DENND1A: variants seen among roughly 807,000 people sequenced by gnomAD.
DENND1A encodes DENN domain-containing protein 1A.
DENND1A carries 51 observed loss-of-function variants against 113.7 expected under a neutral mutation model. The ratio of observed to expected loss-of-function variants is 0.45; its 90% CI spans 0.36 to 0.57. The LOEUF (loss-of-function observed/expected upper bound fraction) is 0.57, where lower values mean the gene tolerates loss of function less well. DENND1A is among the 20% of genes least tolerant of loss of function. The probability of loss-of-function intolerance (pLI) is 0.00; values close to 1 mark genes in which losing one functional copy is unlikely to be tolerated. For synonymous variants in DENND1A, 565 were observed against 570.8 expected (o/e 0.99, Z 0.14); for missense variants, 1,258 against 1,395.9 (o/e 0.90, Z 1.57).
At chr9:123,540,891 T>G (rs570125313) in intron 13 of DENND1A, among the ~76,000 whole-genome samples, 1 of 152,312 alleles carries the variant, frequency 6.6e-6, no homozygotes, top group East Asian at 1.9e-4. Context: ...GGAAGCAGCA[T>G]GGGACCAGTG....
chr9:123,610,704 C>G (rs2060379310), intron 10 of DENND1A, among the ~76,000 whole-genome samples: 1 of 152,146 alleles, frequency 6.6e-6, no homozygotes, highest in African/African-American at 2.4e-5. Context: ...TGAACAGGTA[C>G]TTTTCTTCTG....
chr9:123,628,770 TGG>T (rs1378419135), intron 10 of DENND1A, among the ~76,000 whole-genome samples: 1 of 152,068 alleles, frequency 6.6e-6, no homozygotes, highest in Non-Finnish European at 1.5e-5. Flanking sequence ...GAAAAAAATG[TGG>T]GGTTCAGCCA....
At chr9:123,522,923 C>T (rs2054511663) in intron 13 of DENND1A, among the ~76,000 whole-genome samples, 1 of 152,168 alleles carries the variant, frequency 6.6e-6, no homozygotes, top group African/African-American at 2.4e-5. Flanking sequence ...CTTGAACAAA[C>T]ACTTTAAGAG....
At chr9:123,524,554 C>T (rs895478417) in intron 13 of DENND1A, among the ~76,000 whole-genome samples, 2 of 152,196 alleles carry the variant, frequency 1.3e-5, no homozygotes, top group African/African-American at 2.4e-5. Flanking sequence ...AAAAAGGTTA[C>T]AAACACAGCA....
intron 13 of DENND1A, among the ~76,000 whole-genome samples, chr9:123,529,737 A>G (rs1241400642): frequency 6.6e-6 from 1 of 152,248 alleles, no homozygotes; most frequent in African/African-American, 2.4e-5. Flanking sequence ...CTGAAGTCAC[A>G]TTCATCTTCC....
chr9:123,409,616 C>T (rs1022274932), intron 20 of DENND1A, among the ~76,000 whole-genome samples: 2 of 151,822 alleles, frequency 1.3e-5, no homozygotes, highest in Non-Finnish European at 2.9e-5. Flanking sequence ...GGTTAAGTTA[C>T]CAAGCATCAG....
chr9:123,797,505 T>G (rs1388411441), intron 2 of DENND1A, among the ~76,000 whole-genome samples: 2 of 152,162 alleles, frequency 1.3e-5, no homozygotes, highest in Admixed American at 6.5e-5. Context: ...AGAAGAAAAT[T>G]TTTTTGTATT....
chr9:123,473,733 G>A (rs143053207), intron 13 of DENND1A, among the ~76,000 whole-genome samples: 18 of 152,254 alleles, frequency 1.2e-4, no homozygotes, highest in African/African-American at 2.9e-4. Context: ...CACCTATAAT[G>A]AGGGGGTCCT....
intron 2 of DENND1A, among the ~76,000 whole-genome samples, chr9:123,869,414 C>T (rs1460418364): frequency 6.6e-6 from 1 of 152,142 alleles, no homozygotes; most frequent in Non-Finnish European, 1.5e-5. Flanking sequence ...GGCTCACCTC[C>T]AGTTTAAAGA....
intron 11 of DENND1A, among the ~76,000 whole-genome samples, chr9:123,588,633 A>AACGGGGGGGGG (rs1554894950): frequency 1.2e-5 from 1 of 86,448 alleles, no homozygotes; most frequent in African/African-American, 4.3e-5. Context: ...AAAAAAAAAA[A>AACGGGGGGGGG]GGGGGGGGGG....
At chr9:123,452,131 C>G (rs984004001) in intron 17 of DENND1A, 145 bp downstream of exon 17, 1 of 697,764 alleles carries the variant, frequency 1.4e-6, no homozygotes. Context: ...GAGGTCAAGG[C>G]CTCAGTGAGC....
intron 21 of DENND1A, among the ~76,000 whole-genome samples, chr9:123,390,140 C>G (rs147832616): frequency 6.6e-6 from 1 of 152,384 alleles, no homozygotes; most frequent in East Asian, 1.9e-4. Flanking sequence ...TCATAGATAC[C>G]ATTTAACCTC....
chr9:123,901,915 A>G (rs923068708), intron 1 of DENND1A, among the ~76,000 whole-genome samples: 2 of 152,174 alleles, frequency 1.3e-5, no homozygotes, highest in African/African-American at 4.8e-5. Context: ...CTGAGGCAGG[A>G]GAATGGTGTG....
chr9:123,653,006 C>A (rs1285345291), intron 8 of DENND1A, among the ~76,000 whole-genome samples: 1 of 152,116 alleles, frequency 6.6e-6, no homozygotes, highest in African/African-American at 2.4e-5. Flanking sequence ...GTTTTCAATG[C>A]CATACAATAT....
intron 13 of DENND1A, among the ~76,000 whole-genome samples, chr9:123,507,447 T>A (rs372723231): frequency 9.5e-4 from 145 of 152,334 alleles, no homozygotes; most frequent in Non-Finnish European, 1.7e-3. Context: ...GCAGACCAAC[T>A]CATTCATTAG....
chr9:123,390,340 G>A (rs888857334), intron 21 of DENND1A, among the ~76,000 whole-genome samples: 1 of 152,214 alleles, frequency 6.6e-6, no homozygotes, highest in African/African-American at 2.4e-5. Flanking sequence ...CCAGACTGTG[G>A]CTGTGGTACA....
In DENND1A at chr9:123,920,653, G is replaced by A. The variant is rs145836739; in HGVS notation, c.17+9236C>T. 5.9e-5 allele frequency among the ~76,000 whole-genome samples: 9 copies of A among 152,142 alleles called. No homozygotes were observed. The East Asian group carries it at 9.7e-4, about 16-fold the overall frequency. ...CAGCTCACTGCAACCTCCCCTTCCC[G>A]GGTTCAAGCAGTTCTCACACCTCAG... On this transcript the variant is annotated intron_variant, in intron 1 of 23. Coordinates refer to ENST00000394215, the MANE Select transcript of DENND1A (RefSeq NM_001352964.2).
chr9:123,469,860 C>T (rs974058950), intron 13 of DENND1A, among the ~76,000 whole-genome samples: 1 of 152,182 alleles, frequency 6.6e-6, no homozygotes, highest in Non-Finnish European at 1.5e-5. Flanking sequence ...CGTCACTTGC[C>T]TGAGGGTGAA....
In DENND1A at chr9:123,845,670, CAAAAAAAAAAA is replaced by C. The variant is rs555731367; in HGVS notation, c.88+33270_88+33280del. On this transcript the variant is annotated intron_variant, in intron 2 of 23. Transcript: ENST00000394215. ...GGGTGACCAAGTGAGAACCTGTCTC[CAAAAAAAAAAA>C]AAAAAAAAAAAAAAGAGGAATAAAA... Among the ~76,000 whole-genome samples, 19 of 44,096 alleles carry C rather than the reference CAAAAAAAAAAA, an allele frequency of 4.3e-4. 1 individual carries two copies. Among genetic ancestry groups the C allele is most frequent in the Admixed American group, 1.3e-3 (5 of 3,742 alleles). 28.9% of individuals were successfully genotyped at this position (44,096 alleles called of 152,430 possible). A position where few individuals can be genotyped will look rare whatever the true frequency, so the allele number is the denominator to read the frequency against.
Sources: allele counts gnomAD v4.1 joint callset (sites outside exome capture counted in the v4.1 genomes callset), GRCh38; gene constraint gnomAD v4.1.1; transcripts MANE v1.5; gene names NCBI Gene and HGNC (gene_info 2026-07-23, HGNC 2026-07-21).